Variants in ATP6V1H observed in about 807,000 individuals in gnomAD.
ATP6V1H encodes the protein ATPase H+ transporting V1 subunit H, also known as V-type proton ATPase subunit H.
ATP6V1H carries 39 observed loss-of-function variants against 71.7 expected under a neutral mutation model. The observed-to-expected ratio is 0.54, with a 90% CI of 0.42 to 0.71. The LOEUF is 0.71. ATP6V1H is among the 30% of genes least tolerant of loss of function. ATP6V1H has a pLI of 0.00. For missense variants in ATP6V1H, 509 were observed against 594.9 expected, an observed-to-expected ratio of 0.86 and a Z score of 1.50; for synonymous variants, 192 against 199.3, an observed-to-expected ratio of 0.96 and a Z score of 0.31.
At chr8:53,753,199 G>C (rs919370401) in intron 12 of ATP6V1H, among the ~76,000 whole-genome samples, 4 of 152,086 alleles carry the variant, frequency 2.6e-5, no homozygotes, top group African/African-American at 9.7e-5. Context: ...AGTTATGCTG[G>C]TGAGAGGCTT....
At chr8:53,812,204 A>AAGT (rs1248542309) in intron 6 of ATP6V1H, among the ~76,000 whole-genome samples, 1 of 152,110 alleles carries the variant, frequency 6.6e-6, no homozygotes, top group Non-Finnish European at 1.5e-5. Flanking sequence ...CCAGACTAAG[A>AAGT]AGCAAGGCCA....
intron 12 of ATP6V1H, among the ~76,000 whole-genome samples, chr8:53,744,727 G>C (rs1417868567): frequency 2.0e-5 from 3 of 151,872 alleles, no homozygotes; most frequent in African/African-American, 7.3e-5. Flanking sequence ...CTGAACTGAG[G>C]GGAAAAAAAA....
At chr8:53,775,962 C>T (rs1479933188) in intron 9 of ATP6V1H, among the ~76,000 whole-genome samples, 1 of 152,226 alleles carries the variant, frequency 6.6e-6, no homozygotes, top group African/African-American at 2.4e-5. Flanking sequence ...CGGTGCTCAT[C>T]AGGGAGGCTC....
At chr8:53,829,609 T>C (rs1810939331) in intron 3 of ATP6V1H, 76 bp from the exon 4 acceptor site, 16 of 877,696 alleles carry the variant, frequency 1.8e-5, no homozygotes, top group South Asian at 3.1e-5. Flanking sequence ...TAAAACATTG[T>C]CTCTCTTTCA....
intron 12 of ATP6V1H, chr8:53,756,322 T>A (rs1585751535): frequency 3.4e-6 from 1 of 295,948 alleles, no homozygotes; most frequent in Non-Finnish European, 6.2e-6. Flanking sequence ...GACCTTGTGA[T>A]CTGCCTGCCT....
chr8:53,794,304 A>G (rs1809658775), intron 9 of ATP6V1H, among the ~76,000 whole-genome samples: 1 of 152,164 alleles, frequency 6.6e-6, no homozygotes, highest in Non-Finnish European at 1.5e-5. Flanking sequence ...TAGTAACTAT[A>G]TTTGGCAAAT....
chr8:53,819,378 A>G (rs1810556818), intron 4 of ATP6V1H, among the ~76,000 whole-genome samples: 1 of 150,932 alleles, frequency 6.6e-6, no homozygotes, highest in Admixed American at 6.6e-5. Flanking sequence ...CTGAAAATGC[A>G]AAAATTAGCC....
At chr8:53,829,027 A>G (rs1810910586) in intron 4 of ATP6V1H, among the ~76,000 whole-genome samples, 1 of 152,220 alleles carries the variant, frequency 6.6e-6, no homozygotes, top group African/African-American at 2.4e-5. Flanking sequence ...AACTGTTCCC[A>G]AAAGGAACAA....
At chr8:53,769,866 A>C (rs3735831) in intron 10 of ATP6V1H, 123 bp from the exon 11 acceptor site, 70,004 of 798,676 alleles carry the variant, frequency 0.088, 5,985 homozygotes, top group East Asian at 0.4. Context: ...TGTACATTAA[A>C]AAACTACCAC....
chr8:53,764,200 C>A (rs1808370706), intron 11 of ATP6V1H, among the ~76,000 whole-genome samples: 2 of 152,022 alleles, frequency 1.3e-5, no homozygotes, highest in South Asian at 4.2e-4. Context: ...TACCATAATC[C>A]CAAAATCAGA....
chr8:53,784,577 A>C (rs1196493509), intron 9 of ATP6V1H, among the ~76,000 whole-genome samples: 1 of 152,174 alleles, frequency 6.6e-6, no homozygotes, highest in East Asian at 1.9e-4. Flanking sequence ...TGATCCTGTC[A>C]TTATGATGTT....
chr8:53,727,090 G>A (rs907434565), intron 13 of ATP6V1H, among the ~76,000 whole-genome samples: 4 of 152,100 alleles, frequency 2.6e-5, no homozygotes, highest in African/African-American at 4.8e-5. Context: ...AAGGAGTATC[G>A]GCAGGAAAGT....
chr8:53,812,092 T>C (rs1398353930), intron 6 of ATP6V1H, among the ~76,000 whole-genome samples: 1 of 152,130 alleles, frequency 6.6e-6, no homozygotes, highest in Admixed American at 6.5e-5. Flanking sequence ...TTGTTACTTT[T>C]TAAAACGAAG....
At chr8:53,822,137 C>A (rs1810684420) in intron 4 of ATP6V1H, among the ~76,000 whole-genome samples, 1 of 152,116 alleles carries the variant, frequency 6.6e-6, no homozygotes, top group South Asian at 2.1e-4. Flanking sequence ...CCTCTATCAG[C>A]CAAGCTGCTC....
intron 11 of ATP6V1H, among the ~76,000 whole-genome samples, chr8:53,768,978 T>C (rs1265061710): frequency 6.6e-6 from 1 of 152,154 alleles, no homozygotes; most frequent in East Asian, 1.9e-4. Flanking sequence ...GTCATCTTAT[T>C]ATGACAAAGG....
intron 6 of ATP6V1H, among the ~76,000 whole-genome samples, chr8:53,811,430 G>GT (rs1439747417): frequency 1.3e-5 from 2 of 152,120 alleles, no homozygotes; most frequent in Non-Finnish European, 2.9e-5. Flanking sequence ...ATATTAATCA[G>GT]TAAGTAGCTA....
intron 13 of ATP6V1H, among the ~76,000 whole-genome samples, chr8:53,722,249 C>A (rs1034940951): frequency 9.9e-5 from 15 of 152,190 alleles, no homozygotes; most frequent in Admixed American, 3.9e-4. Context: ...GCTTTTCCAA[C>A]GTGTGGTTAT....
chr8:53,720,442 A>T (rs553183589), intron 13 of ATP6V1H, among the ~76,000 whole-genome samples: 87 of 152,226 alleles, frequency 5.7e-4, no homozygotes, highest in Non-Finnish European at 8.1e-4. Flanking sequence ...TGACAGGGGC[A>T]TTCTGAAGGT....
chr8:53,717,269 A>C (rs1316190584), intron 13 of ATP6V1H, among the ~76,000 whole-genome samples: 1 of 152,192 alleles, frequency 6.6e-6, no homozygotes, highest in Non-Finnish European at 1.5e-5. Context: ...AAAAGACAGA[A>C]GCACTGGGAA....
Sources: gnomAD v4.1 joint callset for allele counts (sites outside exome capture counted in the v4.1 genomes callset) on GRCh38, gnomAD v4.1.1 for gene constraint, MANE v1.5 for transcripts, NCBI Gene and HGNC (gene_info 2026-07-23, HGNC 2026-07-21) for gene names.